The following NKAIN2 variants were observed in gnomAD, a reference collection of about 807,000 sequenced individuals.
NKAIN2 encodes sodium/potassium transporting ATPase interacting 2.
NKAIN2 carries 14 observed loss-of-function variants against 32.6 expected under a neutral mutation model. The ratio of observed to expected loss-of-function variants is 0.43; its 90% CI spans 0.28 to 0.67. NKAIN2 has a LOEUF of 0.67. Among genes scored for constraint, NKAIN2 ranks in the 30% least tolerant of loss-of-function variants. The pLI, the probability that NKAIN2 is intolerant of heterozygous loss-of-function variation, is 0.17. For synonymous variants in NKAIN2, 80 were observed against 87.2 expected, an observed-to-expected ratio of 0.92 and a Z score of 0.46; for missense variants, 198 against 258.3, an observed-to-expected ratio of 0.77 and a Z score of 1.60.
At chr6:124,044,628 GC>G (rs1782035271) in intron 1 of NKAIN2, among the ~76,000 whole-genome samples, 1 of 152,036 alleles carries the variant, frequency 6.6e-6, no homozygotes, top group African/African-American at 2.4e-5. Context: ...TGAGCCCCAG[GC>G]CCCTGTAGAG....
At chr6:124,231,914 A>G (rs182180635) in intron 1 of NKAIN2, among the ~76,000 whole-genome samples, 185 of 152,164 alleles carry the variant, frequency 1.2e-3, no homozygotes, top group Admixed American at 2.4e-3. Flanking sequence ...ATATTCAAAA[A>G]CATAGAAAAG....
intron 4 of NKAIN2, among the ~76,000 whole-genome samples, chr6:124,762,122 A>G (rs1035140531): frequency 6.6e-6 from 1 of 152,162 alleles, no homozygotes; most frequent in Non-Finnish European, 1.5e-5. Flanking sequence ...CTTAAACAAC[A>G]GATATTTATT....
At chr6:124,526,822 G>A (rs1287658710) in intron 3 of NKAIN2, among the ~76,000 whole-genome samples, 1 of 152,170 alleles carries the variant, frequency 6.6e-6, no homozygotes, top group Non-Finnish European at 1.5e-5. Flanking sequence ...TATCAGGGCA[G>A]TGGGAGTAGT....
At chr6:124,463,094 A>C (rs184833739) in intron 3 of NKAIN2, among the ~76,000 whole-genome samples, 1 of 152,210 alleles carries the variant, frequency 6.6e-6, no homozygotes, top group Admixed American at 6.6e-5. Context: ...TGAATCAGTT[A>C]CCATTCAAAA....
intron 4 of NKAIN2, among the ~76,000 whole-genome samples, chr6:124,790,135 G>C (rs938225247): frequency 1.3e-5 from 2 of 152,062 alleles, no homozygotes; most frequent in African/African-American, 4.8e-5. Flanking sequence ...GCTAGAATCT[G>C]CCAGAACGTG....
At position 124,124,808 on chromosome 6, in the gene NKAIN2, A is replaced by G. The variant is rs999939675; in HGVS notation, c.55-158197A>G. ...GGAAGTATTACAGAGGTAGAGGTTG[A>G]TGGATCTGAACTGTTCATCATTGTG... On this transcript the variant is annotated intron_variant, in intron 1 of 6. Coordinates refer to ENST00000368417, the MANE Select transcript of NKAIN2 (RefSeq NM_001040214.3). Among the ~76,000 whole-genome samples the G allele has an allele frequency of 2.0e-5, 3 of 152,176 alleles. No homozygotes were observed. The East Asian group carries it at 5.8e-4, about 29-fold the overall frequency.
chr6:123,951,306 T>C (rs1290568524), intron 1 of NKAIN2, among the ~76,000 whole-genome samples: 1 of 151,998 alleles, frequency 6.6e-6, no homozygotes, highest in African/African-American at 2.4e-5. Flanking sequence ...AATTCAATAT[T>C]TCTTTGTTAA....
chr6:123,919,041 T>G (rs1340563049), intron 1 of NKAIN2, among the ~76,000 whole-genome samples: 1 of 152,122 alleles, frequency 6.6e-6, no homozygotes, highest in Admixed American at 6.6e-5. Context: ...CTGTTGGTTA[T>G]GTTTCTCTGG....
intron 1 of NKAIN2, among the ~76,000 whole-genome samples, chr6:124,134,425 C>CT (rs370897575): frequency 4.6e-5 from 7 of 152,272 alleles, no homozygotes; most frequent in African/African-American, 9.6e-5. Flanking sequence ...GTGGCTCATA[C>CT]TTATAATTCC....
chr6:123,926,633 G>C (rs1200675699), intron 1 of NKAIN2, among the ~76,000 whole-genome samples: 1 of 152,160 alleles, frequency 6.6e-6, no homozygotes, highest in African/African-American at 2.4e-5. Context: ...TAGAGATATT[G>C]CATAAGTTTT....
At chr6:124,379,338 G>C (rs999771451) in intron 3 of NKAIN2, among the ~76,000 whole-genome samples, 1 of 146,722 alleles carries the variant, frequency 6.8e-6, no homozygotes, top group Admixed American at 6.8e-5. Flanking sequence ...AGGAGAGAGG[G>C]GAGTAAGGAG....
intron 1 of NKAIN2, among the ~76,000 whole-genome samples, chr6:124,193,467 G>A (rs1198855345): frequency 6.6e-6 from 1 of 152,184 alleles, no homozygotes; most frequent in East Asian, 1.9e-4. Context: ...ACCAGGGAAT[G>A]TGGCTGGGCC....
At chr6:124,592,857 G>C (rs963777794) in intron 3 of NKAIN2, among the ~76,000 whole-genome samples, 2 of 152,118 alleles carry the variant, frequency 1.3e-5, no homozygotes, top group Admixed American at 1.3e-4. Flanking sequence ...GCTGGGCATG[G>C]AATATGAACT....
At chr6:123,911,812 T>TATATATAC (rs1331943561) in intron 1 of NKAIN2, among the ~76,000 whole-genome samples, 10 of 85,014 alleles carry the variant, frequency 1.2e-4, no homozygotes, top group African/African-American at 4.6e-4. Context: ...TATATATATA[T>TATATATAC]ACACACACAC....
intron 3 of NKAIN2, among the ~76,000 whole-genome samples, chr6:124,524,535 T>C (rs1327413177): frequency 6.6e-6 from 1 of 152,208 alleles, no homozygotes; most frequent in Non-Finnish European, 1.5e-5. Flanking sequence ...GCTACTAATA[T>C]ATGTTTTCCA....
chr6:124,028,890 TATATATATATATACAC>T (rs1781267461), intron 1 of NKAIN2, among the ~76,000 whole-genome samples: 1 of 14,772 alleles, frequency 6.8e-5, no homozygotes, highest in South Asian at 1.8e-3. Context: ...TATATGTGTA[TATATATATATATACAC>T]ATATATGTAT....
chr6:124,046,840 A>C (rs572249229), intron 1 of NKAIN2, among the ~76,000 whole-genome samples: 1 of 152,110 alleles, frequency 6.6e-6, no homozygotes, highest in Admixed American at 6.6e-5. Flanking sequence ...CTGGAGAATG[A>C]AAATCACAAA....
At chr6:124,426,557 A>G (rs1774991103) in intron 3 of NKAIN2, among the ~76,000 whole-genome samples, 2 of 152,240 alleles carry the variant, frequency 1.3e-5, no homozygotes. Context: ...CAGATCGAAA[A>G]TAAGTACCTG....
At chr6:124,462,790 A>T (rs1404177749) in intron 3 of NKAIN2, among the ~76,000 whole-genome samples, 1 of 152,108 alleles carries the variant, frequency 6.6e-6, no homozygotes, top group Admixed American at 6.6e-5. Flanking sequence ...GTATATCTCT[A>T]TTGAGTACCA....
Sources: gnomAD v4.1 joint callset for allele counts (sites outside exome capture counted in the v4.1 genomes callset) on GRCh38, gnomAD v4.1.1 for gene constraint, MANE v1.5 for transcripts, NCBI Gene and HGNC (gene_info 2026-07-23, HGNC 2026-07-21) for gene names.